The following SGO2 variants were observed in gnomAD, a reference collection of about 807,000 sequenced individuals.
SGO2 encodes shugoshin 2.
A neutral mutation model predicts 99.5 loss-of-function variants in SGO2; 68 were observed. The ratio of observed to expected loss-of-function variants is 0.68; its 90% CI spans 0.56 to 0.84. The LOEUF (loss-of-function observed/expected upper bound fraction) is 0.84. Among genes scored for constraint, SGO2 ranks in the 40% least tolerant of loss-of-function variants. The pLI, the probability that SGO2 is intolerant of heterozygous loss-of-function variation, is 0.00. For synonymous variants in SGO2, 457 were observed against 487.1 expected, an observed-to-expected ratio of 0.94 and a Z score of 0.81; for missense variants, 1,350 against 1,436.7, an observed-to-expected ratio of 0.94 and a Z score of 0.97.
At chr2:200,536,270 GT>G in intron 4 of SGO2, 128 bp downstream of exon 4, 1 of 491,404 alleles carries the variant, frequency 2.0e-6, no homozygotes, top group Non-Finnish European at 3.7e-6. Context: ...GATAATATCA[GT>G]TTTAACTGGC....
chr2:200,569,337 ATAT>A (rs1181844539), intron 5 of SGO2, among the ~76,000 whole-genome samples: 2 of 152,140 alleles, frequency 1.3e-5, no homozygotes, highest in Non-Finnish European at 2.9e-5. Context: ...AAAAGTATAA[ATAT>A]TATACATGGC....
intron 1 of SGO2, among the ~76,000 whole-genome samples, chr2:200,528,632 G>A (rs1229507508): frequency 1.3e-5 from 2 of 152,158 alleles, no homozygotes; most frequent in African/African-American, 4.8e-5. Flanking sequence ...AATAAATCTG[G>A]AGTTCAAGGG....
Position 200,533,104 on chromosome 2 carries a change from A to C in SGO2, c.129A>C (p.Ile43=), listed in dbSNP as rs748955905. Residue 43 remains isoleucine, a synonymous_variant, in exon 2 of 9, where the codon ATA becomes ATC. Coordinates refer to ENST00000357799, the MANE Select transcript of SGO2 (RefSeq NM_152524.6). Reference sequence around the variant, plus strand: ...TTGCTTCAAAAATAAAAACAAAAATACTAAGTAAGTGCCATCAGTTTTAAA... The same window carrying C: ...TTGCTTCAAAAATAAAAACAAAAATCCTAAGTAAGTGCCATCAGTTTTAAA... The part of the protein sequence containing the change: ...VSLASKIKTK[I]LNNSSIFKIS... 6.3e-7 allele frequency: 1 copy of C among 1,579,488 alleles called. No individual in the cohort carries two copies. Among genetic ancestry groups the C allele is most frequent in the Non-Finnish European group, 8.6e-7 (1 of 1,168,904 alleles).
intron 2 of SGO2, 22 bp from the exon 3 acceptor site, chr2:200,534,974 C>G (rs752164178): frequency 2.7e-6 from 4 of 1,470,952 alleles, no homozygotes; most frequent in Non-Finnish European, 3.6e-6. Flanking sequence ...AATATTAACT[C>G]ATTTTAAAAA....
intron 8 of SGO2, 132 bp downstream of exon 8, chr2:200,575,593 T>C: frequency 1.6e-6 from 1 of 615,742 alleles, no homozygotes; most frequent in Non-Finnish European, 2.7e-6. Flanking sequence ...AACCACAGTA[T>C]GATTTGGGTA....
intron 5 of SGO2, among the ~76,000 whole-genome samples, chr2:200,544,123 CTCTG>C (rs1275592484): frequency 2.0e-5 from 3 of 152,136 alleles, no homozygotes; most frequent in Non-Finnish European, 2.9e-5. Context: ...GTATGTTTGT[CTCTG>C]TCTTCTTTTG....
intron 5 of SGO2, among the ~76,000 whole-genome samples, chr2:200,550,289 A>T (rs919053475): frequency 2.0e-4 from 30 of 152,342 alleles, no homozygotes; most frequent in African/African-American, 7.2e-4. Context: ...CAATTTACAG[A>T]TTCAATACAA....
At chr2:200,546,086 T>C (rs1465774503) in intron 5 of SGO2, among the ~76,000 whole-genome samples, 1 of 151,584 alleles carries the variant, frequency 6.6e-6, no homozygotes, top group Admixed American at 6.6e-5. Flanking sequence ...GGACAGGCAG[T>C]GGTCAACCAT....
intron 8 of SGO2, among the ~76,000 whole-genome samples, chr2:200,577,151 C>T (rs186826096): frequency 1.2e-4 from 18 of 151,840 alleles, no homozygotes; most frequent in African/African-American, 2.4e-4. Flanking sequence ...TGCTTACCAA[C>T]GATGATGATT....
At chr2:200,576,017 T>C in intron 8 of SGO2, 1 of 335,184 alleles carries the variant, frequency 3.0e-6, no homozygotes, top group South Asian at 2.4e-5. Flanking sequence ...AAATATTGAG[T>C]CATTTAATTC....
intron 6 of SGO2, 77 bp downstream of exon 6, chr2:200,569,969 T>C (rs2033337598): frequency 1.1e-6 from 1 of 926,888 alleles, no homozygotes; most frequent in Non-Finnish European, 1.7e-6. Flanking sequence ...AGGGCAATTA[T>C]GTATAACAGT....
At chr2:200,554,226 C>A (rs762091971) in intron 5 of SGO2, among the ~76,000 whole-genome samples, 1 of 152,086 alleles carries the variant, frequency 6.6e-6, no homozygotes. Flanking sequence ...CTGTAAATAG[C>A]TCAAAAGAAA....
chr2:200,571,409 C>A lies in SGO2; in HGVS notation c.1063C>A (p.Gln355Lys). Residue 355 changes from glutamine (Q) to lysine (K), a missense_variant, in exon 7 of 9, where the codon CAA (glutamine) becomes AAA (lysine). Coordinates refer to ENST00000357799, the MANE Select transcript of SGO2 (RefSeq NM_152524.6). ...MNQIEDNDDFQLQKTVYDADM... is the reference protein window; with the variant it reads ...MNQIEDNDDFKLQKTVYDADM... ...TCAAATTGAGGATAATGATGACTTT[C>A]AATTGCAGAAAACTGTGTATGATGC... The A allele has an allele frequency of 6.2e-7, 1 of 1,609,094 alleles. No homozygotes were observed. Among genetic ancestry groups the A allele is most frequent in the Non-Finnish European group, 8.5e-7 (1 of 1,176,466 alleles).
intron 5 of SGO2, among the ~76,000 whole-genome samples, chr2:200,562,108 GT>G (rs1349889885): frequency 2.0e-5 from 3 of 152,190 alleles, no homozygotes; most frequent in Non-Finnish European, 4.4e-5. Context: ...TGCTTTTGGT[GT>G]TTTAGTCATG....
In SGO2 at chr2:200,572,892, A is replaced by G; in HGVS notation, c.2546A>G (p.Lys849Arg). 1 of 1,591,900 alleles carries G rather than the reference A, an allele frequency of 6.3e-7. No homozygotes were observed. The highest frequency in any genetic ancestry group is 8.5e-7 in the Non-Finnish European group (1 of 1,173,226). Residue 849 changes from lysine to arginine, a missense_variant, in exon 7 of 9, where the codon AAA becomes AGA. By Grantham distance (26) the Lys-to-Arg change is conservative. Transcript: ENST00000357799. Reference sequence around the variant, plus strand: ...TTCTTCTCTCTAACCCCAAAGGATAAAGAAACAATTTCTGAAAATCTACAA... The same window carrying G: ...TTCTTCTCTCTAACCCCAAAGGATAGAGAAACAATTTCTGAAAATCTACAA... Reference protein sequence around the residue: ...DNFFSLTPKDKETISENLQVT... With the variant: ...DNFFSLTPKDRETISENLQVT...
chr2:200,574,001 T>C (rs1467186530), intron 7 of SGO2, 24 bp downstream of exon 7: 7 of 1,500,600 alleles, frequency 4.7e-6, no homozygotes, highest in Non-Finnish European at 5.3e-6. Context: ...CATTATGAAA[T>C]GATAAAGTTT....
At position 200,532,410 on chromosome 2, in the gene SGO2, A is replaced by G. The variant is rs1264896172; in HGVS notation, c.-2-564A>G. The G allele has an allele frequency of 2.2e-5, 22 of 982,100 alleles. No individual in the cohort carries two copies. In the Admixed American group the frequency reaches 1.3e-3, roughly 60 times the overall value. The allele number at this position is 982,100 out of a possible 1,614,324, so 60.8% of individuals were successfully genotyped here. ...CTGCTTCTCAGTGAAGCTATTTCTGATCCTTTTCCTCTGCCCAGTCACAGT... is the reference window on the plus strand; with the variant it reads ...CTGCTTCTCAGTGAAGCTATTTCTGGTCCTTTTCCTCTGCCCAGTCACAGT... On this transcript the variant is annotated intron_variant, in intron 1 of 8. Coordinates refer to ENST00000357799, the MANE Select transcript of SGO2 (RefSeq NM_152524.6).
chr2:200,540,261 A>G (rs1217239680), intron 4 of SGO2, among the ~76,000 whole-genome samples: 1 of 152,114 alleles, frequency 6.6e-6, no homozygotes, highest in African/African-American at 2.4e-5. Flanking sequence ...TGGTATGACA[A>G]GTGATTGATT....
intron 5 of SGO2, among the ~76,000 whole-genome samples, chr2:200,562,680 T>A (rs1325468442): frequency 2.1e-4 from 32 of 152,360 alleles, no homozygotes; most frequent in Non-Finnish European, 3.8e-4. Flanking sequence ...TGATTCTTCC[T>A]ACCCATGAGC....
Sources: gnomAD v4.1 joint callset for allele counts (sites outside exome capture counted in the v4.1 genomes callset) on GRCh38, gnomAD v4.1.1 for gene constraint, MANE v1.5 for transcripts, NCBI Gene and HGNC (gene_info 2026-07-23, HGNC 2026-07-21) for gene names.